The following TPRG1 variants were observed in gnomAD, a reference collection of about 807,000 sequenced individuals.
TPRG1 encodes tumor protein p63 regulated 1, also known as tumor protein p63-regulated gene 1 protein.
In TPRG1, 29 loss-of-function variants were observed where a neutral mutation model predicts 29.3. The ratio of observed to expected loss-of-function variants is 0.99; its 90% CI spans 0.74 to 1.35. The LOEUF (loss-of-function observed/expected upper bound fraction) is 1.35. Among genes scored for constraint, TPRG1 ranks in the 40% most tolerant of loss-of-function variants. The pLI is 0.00. For synonymous variants in TPRG1, 130 were observed against 116.8 expected (o/e 1.11, Z -0.73); for missense variants, 327 against 335.0 (o/e 0.98, Z 0.19).
chr3:189,026,274 C>T (rs548640269), intron 4 of TPRG1, among the ~76,000 whole-genome samples: 23 of 152,248 alleles, frequency 1.5e-4, no homozygotes, highest in Admixed American at 3.3e-4. Context: ...AGTGAGAAAA[C>T]GACAGAGAGA....
chr3:189,103,485 G>T (rs530955220), intron 1 of TPRG1, among the ~76,000 whole-genome samples: 3 of 151,780 alleles, frequency 2.0e-5, no homozygotes, highest in Non-Finnish European at 4.4e-5. Context: ...TACCCTAGGG[G>T]ATCATGTTCC....
At chr3:189,217,083 T>C (rs1416067676) in intron 3 of TPRG1, among the ~76,000 whole-genome samples, 1 of 152,254 alleles carries the variant, frequency 6.6e-6, no homozygotes, top group Admixed American at 6.5e-5. Flanking sequence ...AATATGCTTT[T>C]TTTGTTTGCT....
chr3:189,193,013 C>A (rs1731933793), intron 1 of TPRG1, among the ~76,000 whole-genome samples: 1 of 152,024 alleles, frequency 6.6e-6, no homozygotes, highest in Non-Finnish European at 1.5e-5. Flanking sequence ...TTCTTTTCTA[C>A]CTGCCTGTAA....
intron 3 of TPRG1, among the ~76,000 whole-genome samples, chr3:189,234,366 G>A (rs1046755346): frequency 2.0e-5 from 3 of 152,150 alleles, no homozygotes; most frequent in Non-Finnish European, 4.4e-5. Flanking sequence ...GCAAATAAAA[G>A]CATAAAAAGT....
chr3:189,272,724 C>G (rs1375067891), intron 4 of TPRG1, among the ~76,000 whole-genome samples: 1 of 139,396 alleles, frequency 7.2e-6, no homozygotes, highest in Non-Finnish European at 1.5e-5. Context: ...TCCTTCCTTC[C>G]TTCCTTCCTT....
At chr3:189,130,108 G>C (rs1722937083) in intron 2 of TPRG1, among the ~76,000 whole-genome samples, 1 of 152,182 alleles carries the variant, frequency 6.6e-6, no homozygotes, top group Non-Finnish European at 1.5e-5. Context: ...TCAGCTCTGA[G>C]TAATATAGAA....
intron 1 of TPRG1, among the ~76,000 whole-genome samples, chr3:189,205,849 A>C (rs1189916665): frequency 6.6e-6 from 1 of 152,216 alleles, no homozygotes; most frequent in East Asian, 1.9e-4. Context: ...GATCATTACT[A>C]GCACCCACAG....
chr3:189,252,358 C>T lies in TPRG1; in HGVS notation c.479+13449C>T, dbSNP rs566753980. Among the ~76,000 whole-genome samples the T allele has an allele frequency of 2.6e-5, 4 of 152,278 alleles. No homozygotes were observed. In the East Asian group the frequency reaches 5.8e-4, roughly 22 times the overall value. On this transcript the variant is annotated intron_variant, in intron 4 of 5. Coordinates refer to ENST00000345063, the MANE Select transcript of TPRG1 (RefSeq NM_198485.4). ...CCCACACTCTTTGGATCAGAGCATT[C>T]ACCAGAGACAGAACTAGGAAATAGT...
chr3:189,005,631 GA>G (rs1184090782), intron 3 of TPRG1, among the ~76,000 whole-genome samples: 1 of 152,070 alleles, frequency 6.6e-6, no homozygotes, highest in East Asian at 1.9e-4. Context: ...TTTATTTAAA[GA>G]AGTGAACAAA....
At chr3:189,224,431 G>C (rs1455327766) in intron 3 of TPRG1, among the ~76,000 whole-genome samples, 2 of 152,124 alleles carry the variant, frequency 1.3e-5, no homozygotes, top group African/African-American at 4.8e-5. Context: ...AGTGAACCAA[G>C]ATCGTGCCAC....
At chr3:189,228,628 T>G (rs908400420) in intron 3 of TPRG1, among the ~76,000 whole-genome samples, 2 of 152,114 alleles carry the variant, frequency 1.3e-5, no homozygotes, top group Admixed American at 1.3e-4. Flanking sequence ...AAAGAAAAAT[T>G]TGCATAAAAT....
chr3:189,029,646 G>A (rs1214867316), intron 4 of TPRG1, among the ~76,000 whole-genome samples: 1 of 152,190 alleles, frequency 6.6e-6, no homozygotes, highest in East Asian at 1.9e-4. Context: ...TGGTTTGGGT[G>A]TTTGTCCACC....
chr3:189,157,239 C>T (rs770603664), intron 5 of TPRG1, among the ~76,000 whole-genome samples: 2 of 152,232 alleles, frequency 1.3e-5, no homozygotes, highest in Non-Finnish European at 1.5e-5. Flanking sequence ...CAGCATTGTT[C>T]TGTCTCAGGT....
intron 3 of TPRG1, among the ~76,000 whole-genome samples, chr3:189,232,841 G>A (rs961689854): frequency 3.3e-5 from 5 of 152,212 alleles, no homozygotes; most frequent in Admixed American, 6.5e-5. Context: ...CTGTGGATTA[G>A]TTAGCTAAAG....
chr3:189,160,310 C>G (rs1006020848), intron 5 of TPRG1, among the ~76,000 whole-genome samples: 7 of 152,130 alleles, frequency 4.6e-5, no homozygotes, highest in Non-Finnish European at 1.0e-4. Context: ...AGGGAAGAAC[C>G]CTGTGCAAGT....
intron 4 of TPRG1, among the ~76,000 whole-genome samples, chr3:189,265,939 T>C (rs996261987): frequency 3.3e-5 from 5 of 151,830 alleles, no homozygotes; most frequent in Non-Finnish European, 5.9e-5. Flanking sequence ...TTTATTTTAT[T>C]TGCAGCCAAA....
chr3:189,119,769 TC>T (rs1274298305), intron 1 of TPRG1, among the ~76,000 whole-genome samples: 7 of 152,204 alleles, frequency 4.6e-5, no homozygotes, highest in Non-Finnish European at 8.8e-5. Flanking sequence ...TCCTGAGGCC[TC>T]CCCAGCCATG....
At chr3:189,057,474 A>T (rs976336160) in intron 4 of TPRG1, among the ~76,000 whole-genome samples, 33 of 149,336 alleles carry the variant, frequency 2.2e-4, no homozygotes, top group African/African-American at 8.1e-4. Flanking sequence ...GTGCAAGAGG[A>T]TTTGCTTCTT....
At chr3:189,230,172 A>C (rs1738415227) in intron 3 of TPRG1, among the ~76,000 whole-genome samples, 1 of 152,170 alleles carries the variant, frequency 6.6e-6, no homozygotes, top group Admixed American at 6.5e-5. Context: ...GGGCGTGCCC[A>C]GATTCTTTAC....
Sources: allele counts gnomAD v4.1 joint callset (sites outside exome capture counted in the v4.1 genomes callset), GRCh38; gene constraint gnomAD v4.1.1; transcripts MANE v1.5; gene names NCBI Gene and HGNC (gene_info 2026-07-23, HGNC 2026-07-21).